The following JPH2 variants were observed in gnomAD, a reference collection of about 807,000 sequenced individuals.
JPH2 encodes the protein junctophilin-2.
Under a neutral mutation model 55.9 loss-of-function variants are expected in JPH2, and 38 were observed. The observed-to-expected ratio is 0.68, with a 90% CI of 0.52 to 0.89. JPH2 has a LOEUF of 0.89. JPH2 is among the 40% of genes least tolerant of loss of function. The pLI is 0.00. For synonymous variants in JPH2, 480 were observed against 472.4 expected (o/e 1.02, Z -0.21); for missense variants, 964 against 1,037.6 (o/e 0.93, Z 0.97).
chr20:44,186,752 G>A lies in JPH2; in HGVS notation c.-47C>T, dbSNP rs751123134. On this transcript the variant is annotated 5_prime_UTR_variant, in exon 1 of 6. Transcript: ENST00000372980. ...CTCCCCGTCCTCCAGCGTGGGTGCA[G>A]AGGGCGTGGGTGATGCCTGCAACAC... is the stretch of plus-strand genomic sequence containing the variant. 6.3e-7 allele frequency: 1 copy of A among 1,580,676 alleles called. No homozygotes were observed. Among genetic ancestry groups the A allele is most frequent in the Non-Finnish European group, 8.6e-7 (1 of 1,164,724 alleles).
rs2072134686 is a variant in JPH2 at position 44,110,552 on chromosome 20, CTAG to C, written c.*2963_*2965del. Reference sequence around the variant, plus strand: ...TGCTTCTCCTGCCTCAGTCTCCCAACTAGCTGGGTTTACAGGTACGCGCCACCA... The same window carrying C: ...TGCTTCTCCTGCCTCAGTCTCCCAACCTGGGTTTACAGGTACGCGCCACCA... On this transcript the variant is annotated 3_prime_UTR_variant, in exon 6 of 6. Transcript: ENST00000372980. 6.6e-6 allele frequency among the ~76,000 whole-genome samples: 1 copy of C among 152,018 alleles called. No individual in the cohort carries two copies. Among genetic ancestry groups the C allele is most frequent in the Non-Finnish European group, 1.5e-5 (1 of 67,994 alleles).
intron 1 of JPH2, among the ~76,000 whole-genome samples, chr20:44,174,277 A>G (rs948504812): frequency 1.3e-5 from 2 of 152,196 alleles, no homozygotes; most frequent in African/African-American, 2.4e-5. Flanking sequence ...CCTTGCCTCA[A>G]TTGCTCTTTC....
At position 44,159,664 on chromosome 20, in the gene JPH2, G is replaced by A. The variant is rs1199319789; in HGVS notation, c.1123C>T (p.Arg375Cys). The A allele has an allele frequency of 1.2e-6, 2 of 1,610,600 alleles. No individual in the cohort carries two copies. Among genetic ancestry groups the A allele is most frequent in the East Asian group, 2.2e-5 (1 of 44,872 alleles). ...TTCTGGCGCGCGATAGCAGCGGCGC[G>A]CTGGGCACCCTCCACACTGTGCTCC... Reference protein sequence around the residue: ...KVEHSVEGAQRAAAIARQKAE... With the variant: ...KVEHSVEGAQCAAAIARQKAE... The change falls in exon 2 of 6, where the codon CGC (arginine) becomes TGC (cysteine). Residue 375 changes from arginine to cysteine, a missense_variant. Physicochemically the swap from Arg to Cys is radical, Grantham distance 180. Transcript: ENST00000372980. The surrounding 1 kb of genome is among the most constrained non-coding windows in gnomAD (Gnocchi z 5.7).
chr20:44,117,122 T>C (rs2072198724), intron 3 of JPH2, among the ~76,000 whole-genome samples: 1 of 151,906 alleles, frequency 6.6e-6, no homozygotes, highest in Admixed American at 6.6e-5. Flanking sequence ...CTACTAAAAA[T>C]ACAAAAATTA....
chr20:44,182,263 C>T (rs542113178), intron 1 of JPH2, among the ~76,000 whole-genome samples: 50 of 152,278 alleles, frequency 3.3e-4, no homozygotes, highest in African/African-American at 1.1e-3. Flanking sequence ...AACAAACCCT[C>T]AGGGGACTGA....
chr20:44,116,721 CTCTTTCCA>C (rs2072195821), intron 3 of JPH2, among the ~76,000 whole-genome samples: 1 of 152,222 alleles, frequency 6.6e-6, no homozygotes, highest in African/African-American at 2.4e-5. Flanking sequence ...TGGCACGCGT[CTCTTTCCA>C]TTCCCTTATC....
intron 2 of JPH2, among the ~76,000 whole-genome samples, chr20:44,119,587 C>T (rs2072219852): frequency 6.6e-6 from 1 of 152,132 alleles, no homozygotes; most frequent in African/African-American, 2.4e-5. Flanking sequence ...AAATACTGCC[C>T]TGCCAGCCAG....
rs1362896395 is a variant in JPH2, at chr20:44,133,964, T to C, written c.1170-15341A>G. Among the ~76,000 whole-genome samples, 4 of 46,770 alleles carry C rather than the reference T, an allele frequency of 8.6e-5. 2 individuals carry two copies. Among genetic ancestry groups the C allele is most frequent in the African/African-American group, 3.9e-4 (4 of 10,208 alleles). 30.7% of individuals were successfully genotyped at this position (46,770 alleles called of 152,430 possible). ...TTATAAATATATATAAATAAATATA[T>C]ATTATAATATATAAATATATATTAT... On this transcript the variant is annotated intron_variant, in intron 2 of 5. Transcript: ENST00000372980.
chr20:44,138,592 A>T (rs1415210969), intron 2 of JPH2, among the ~76,000 whole-genome samples: 9 of 151,942 alleles, frequency 5.9e-5, no homozygotes, highest in Non-Finnish European at 1.2e-4. Flanking sequence ...CATATTGCCC[A>T]GGCTGGTCTC....
chr20:44,116,562 T>G (rs1263049398), intron 3 of JPH2, among the ~76,000 whole-genome samples, 176 bp from the exon 4 acceptor site: 1 of 152,196 alleles, frequency 6.6e-6, no homozygotes, highest in African/African-American at 2.4e-5. Context: ...ATCTAATCCC[T>G]GTAGTATCCC....
chr20:44,147,934 G>A (rs1041663101), intron 2 of JPH2, among the ~76,000 whole-genome samples: 4 of 152,134 alleles, frequency 2.6e-5, no homozygotes, highest in African/African-American at 4.8e-5. Flanking sequence ...AGGCCGAGGC[G>A]GGTGGATCAT....
At position 44,116,315 on chromosome 20, in the gene JPH2, C is replaced by CG. The variant is rs1339876849; in HGVS notation, c.1359dup (p.Asp454ArgfsTer23). 1.9e-6 allele frequency: 3 copies of CG among 1,543,508 alleles called. No homozygotes were observed. The highest frequency in any genetic ancestry group is 1.7e-6 in the Non-Finnish European group (2 of 1,145,932). ...AGGCCCGCTGCGCCGGCGCCCCGGTCGGGGGGCTCCAGCAGGCTCTCCGAG... is the reference window on the plus strand; with the variant it reads ...AGGCCCGCTGCGCCGGCGCCCCGGTCGGGGGGGCTCCAGCAGGCTCTCCGAG... On this transcript the variant is annotated frameshift_variant, in exon 4 of 6. Transcript: ENST00000372980. LOFTEE classifies it high-confidence loss of function.
chr20:44,144,293 G>A (rs561940622), intron 2 of JPH2, among the ~76,000 whole-genome samples: 24 of 152,238 alleles, frequency 1.6e-4, no homozygotes, highest in African/African-American at 4.3e-4. Context: ...GCCTCACCAC[G>A]TTCTACTCAT....
chr20:44,114,933 C>A lies in JPH2; in HGVS notation c.2011-57G>T, dbSNP rs2072176101. ...CCCATGGCCTCGGAGACACCCCCCA[C>A]CCAGGTCACAGCAAGGCTGGACAGA... On this transcript the variant is annotated intron_variant, in intron 4 of 5. Coordinates refer to ENST00000372980, the MANE Select transcript of JPH2 (RefSeq NM_020433.5). 2.9e-6 allele frequency: 4 copies of A among 1,366,842 alleles called. 1 individual carries two copies. In the South Asian group the frequency reaches 4.9e-5, roughly 17 times the overall value. 84.7% of individuals were successfully genotyped at this position (1,366,842 alleles called of 1,614,324 possible).
At chr20:44,146,134 C>G (rs58510125) in intron 2 of JPH2, among the ~76,000 whole-genome samples, 1 of 151,730 alleles carries the variant, frequency 6.6e-6, no homozygotes, top group South Asian at 2.1e-4. Context: ...CCCGGGTTCA[C>G]GCCATTCTCC....
Position 44,116,368 on chromosome 20 carries a change from C to T in JPH2, c.1307G>A (p.Arg436His), listed in dbSNP as rs1279970133. ...CTCCAGGATCTCCTGCAGCAGCCGG[C>T]GCTTCTGATATTCCGGACCTGCCAG... ...FYQPGPEYQKRRLLQEILENS... is the reference protein window; with the variant it reads ...FYQPGPEYQKHRLLQEILENS... The change falls in exon 4 of 6, where the codon CGC becomes CAC. Residue 436 changes from arginine to histidine, a missense_variant. Transcript: ENST00000372980. 2.6e-6 allele frequency: 4 copies of T among 1,547,792 alleles called. No homozygotes were observed. The Admixed American group carries it at 5.9e-5, about 23-fold the overall frequency.
At chr20:44,180,836 C>T (rs1309020154) in intron 1 of JPH2, among the ~76,000 whole-genome samples, 3 of 151,632 alleles carry the variant, frequency 2.0e-5, no homozygotes, top group Non-Finnish European at 4.4e-5. Context: ...CTGAGGCCAA[C>T]GCAGGGGCCC....
chr20:44,180,338 T>A (rs538947953), intron 1 of JPH2, among the ~76,000 whole-genome samples: 19 of 149,936 alleles, frequency 1.3e-4, no homozygotes, highest in African/African-American at 4.7e-4. Context: ...TATATTTATT[T>A]TATTTTTTTT....
At chr20:44,171,001 C>T (rs1295535101) in intron 1 of JPH2, among the ~76,000 whole-genome samples, 5 of 152,174 alleles carry the variant, frequency 3.3e-5, no homozygotes, top group Non-Finnish European at 7.3e-5. Flanking sequence ...CCTCCCTGCC[C>T]CCCACTTCAG....
Sources: allele counts gnomAD v4.1 joint callset (sites outside exome capture counted in the v4.1 genomes callset), GRCh38; gene constraint gnomAD v4.1.1; non-coding constraint Gnocchi (gnomAD v3.1); transcripts MANE v1.5; gene names NCBI Gene and HGNC (gene_info 2026-07-23, HGNC 2026-07-21).